Variants in DGKG observed in about 807,000 individuals in gnomAD.
The protein encoded by DGKG is DAG kinase gamma.
A neutral mutation model predicts 105.3 loss-of-function variants in DGKG; 78 were observed. That is an observed-to-expected ratio of 0.74 (90% CI 0.62 to 0.89). The LOEUF is 0.89. Ranked by LOEUF, DGKG falls within the 40% of genes least tolerant of loss-of-function variation. The probability of loss-of-function intolerance (pLI) is 0.00; values close to 1 mark genes in which losing one functional copy is unlikely to be tolerated. For synonymous variants in DGKG, 346 were observed against 367.1 expected (o/e 0.94, Z 0.66); for missense variants, 958 against 1,020.1 (o/e 0.94, Z 0.83).
At chr3:186,360,027 C>T (rs1452859635) in intron 1 of DGKG, among the ~76,000 whole-genome samples, 1 of 152,176 alleles carries the variant, frequency 6.6e-6, no homozygotes, top group African/African-American at 2.4e-5. Flanking sequence ...CAACTCCCAT[C>T]AGTAGGAGAG....
chr3:186,287,175 A>T (rs1023306808), intron 6 of DGKG, among the ~76,000 whole-genome samples: 1 of 152,190 alleles, frequency 6.6e-6, no homozygotes, highest in African/African-American at 2.4e-5. Flanking sequence ...CAAACAAACA[A>T]TTAAAAATAT....
At chr3:186,240,903 G>T (rs1339889382) in intron 20 of DGKG, among the ~76,000 whole-genome samples, 1 of 151,392 alleles carries the variant, frequency 6.6e-6, no homozygotes, top group Non-Finnish European at 1.5e-5. Flanking sequence ...TGGTTTGTGT[G>T]TATCTGGGAG....
intron 20 of DGKG, among the ~76,000 whole-genome samples, chr3:186,229,245 CT>C (rs536690937): frequency 3.9e-3 from 557 of 144,208 alleles, no homozygotes; most frequent in East Asian, 3.6e-3. Context: ...AGACTTGTAG[CT>C]TTTTTTTTTT....
At chr3:186,234,531 T>C (rs1168766964) in intron 20 of DGKG, among the ~76,000 whole-genome samples, 1 of 152,232 alleles carries the variant, frequency 6.6e-6, no homozygotes, top group African/African-American at 2.4e-5. Flanking sequence ...ATCTGGCCTA[T>C]AGTCTTGAAA....
At chr3:186,358,905 A>G (rs1727102727) in intron 1 of DGKG, among the ~76,000 whole-genome samples, 1 of 152,188 alleles carries the variant, frequency 6.6e-6, no homozygotes, top group Admixed American at 6.5e-5. Context: ...ACATTTGTAT[A>G]TTTTACATGA....
chr3:186,248,595 A>G (rs947354738), intron 19 of DGKG, among the ~76,000 whole-genome samples: 1 of 152,230 alleles, frequency 6.6e-6, no homozygotes, highest in East Asian at 1.9e-4. Context: ...GAGTTGGAAT[A>G]TGAATCAGCA....
chr3:186,349,366 T>C (rs1726516722), intron 1 of DGKG, among the ~76,000 whole-genome samples: 1 of 152,256 alleles, frequency 6.6e-6, no homozygotes, highest in Non-Finnish European at 1.5e-5. Context: ...ATTGTTCCAA[T>C]GTTTGTGCTT....
chr3:186,263,482 G>C (rs183748637), intron 14 of DGKG, among the ~76,000 whole-genome samples: 3 of 151,952 alleles, frequency 2.0e-5, no homozygotes, highest in Non-Finnish European at 4.4e-5. Flanking sequence ...CAGGAGAATC[G>C]CTTGAACCCG....
chr3:186,244,682 C>G (rs1454453683), intron 19 of DGKG, among the ~76,000 whole-genome samples: 1 of 152,194 alleles, frequency 6.6e-6, no homozygotes, highest in Admixed American at 6.5e-5. Context: ...GCTGAGATTA[C>G]AGGCATGAGC....
chr3:186,292,085 G>T (rs1479040321), intron 5 of DGKG, among the ~76,000 whole-genome samples: 1 of 152,126 alleles, frequency 6.6e-6, no homozygotes, highest in Non-Finnish European at 1.5e-5. Flanking sequence ...ACGACCCTCA[G>T]GTACCACCAG....
intron 5 of DGKG, among the ~76,000 whole-genome samples, chr3:186,294,536 C>CAAAAAAA (rs10574886): frequency 1.9e-5 from 2 of 106,880 alleles, no homozygotes; most frequent in African/African-American, 6.7e-5. Context: ...AACTCTGTCT[C>CAAAAAAA]AAAAAAAAAA....
At chr3:186,304,231 C>T (rs759923941) in intron 3 of DGKG, among the ~76,000 whole-genome samples, 5 of 152,214 alleles carry the variant, frequency 3.3e-5, no homozygotes, top group South Asian at 2.1e-4. Flanking sequence ...GCTTTGTTCC[C>T]GTGTTTTTGG....
intron 24 of DGKG, among the ~76,000 whole-genome samples, chr3:186,151,428 G>A (rs1274341478): frequency 1.3e-5 from 2 of 152,202 alleles, no homozygotes; most frequent in Non-Finnish European, 2.9e-5. Context: ...CCAAAACAAG[G>A]TGGGCATGGA....
chr3:186,201,371 A>G (rs1433344549), intron 21 of DGKG, among the ~76,000 whole-genome samples: 1 of 152,190 alleles, frequency 6.6e-6, no homozygotes, highest in South Asian at 2.1e-4. Context: ...AGGGCTCAGA[A>G]TGGAGACCCT....
intron 24 of DGKG, among the ~76,000 whole-genome samples, chr3:186,152,506 A>G (rs1715809616): frequency 6.6e-6 from 1 of 152,046 alleles, no homozygotes; most frequent in Non-Finnish European, 1.5e-5. Context: ...CAGCTTATTC[A>G]CCACGGCACT....
intron 21 of DGKG, among the ~76,000 whole-genome samples, chr3:186,196,117 A>C (rs1310672458): frequency 1.3e-4 from 19 of 146,834 alleles, no homozygotes; most frequent in African/African-American, 4.7e-4. Flanking sequence ...TCTTAAAAGG[A>C]TCTCTCTCTC....
At chr3:186,153,145 G>A (rs1715852238) in intron 24 of DGKG, among the ~76,000 whole-genome samples, 1 of 151,954 alleles carries the variant, frequency 6.6e-6, no homozygotes, top group African/African-American at 2.4e-5. Flanking sequence ...AGGAGTCTGG[G>A]GCTCCTGGGT....
chr3:186,359,639 G>A (rs543911811), intron 1 of DGKG, among the ~76,000 whole-genome samples: 3 of 152,158 alleles, frequency 2.0e-5, no homozygotes, highest in African/African-American at 7.2e-5. Flanking sequence ...GGACTCCTGA[G>A]GATTAAAGGA....
chr3:186,257,720 C>A, intron 17 of DGKG, 134 bp downstream of exon 17: 8 of 557,286 alleles, frequency 1.4e-5, no homozygotes, highest in Admixed American at 3.1e-5. Flanking sequence ...AATATTTAGT[C>A]AAGTGTTGGT....
Sources: allele counts gnomAD v4.1 joint callset (sites outside exome capture counted in the v4.1 genomes callset), GRCh38; gene constraint gnomAD v4.1.1; transcripts MANE v1.5; gene names NCBI Gene and HGNC (gene_info 2026-07-23, HGNC 2026-07-21).